The following NOTCH2 variants were observed in gnomAD, a reference collection of about 807,000 sequenced individuals.
NOTCH2 encodes neurogenic locus notch homolog protein 2.
NOTCH2 carries 29 observed loss-of-function variants against 235.8 expected under a neutral mutation model. That is an observed-to-expected ratio of 0.12 (90% CI 0.09 to 0.17). NOTCH2 has a LOEUF of 0.17. Ranked by LOEUF, NOTCH2 falls within the 10% of genes least tolerant of loss-of-function variation. The pLI is 1.00. For synonymous variants in NOTCH2, 1,086 were observed against 1,141.5 expected, an observed-to-expected ratio of 0.95 and a Z score of 0.98; for missense variants, 2,285 against 3,150.2, an observed-to-expected ratio of 0.73 and a Z score of 6.57.
intron 1 of NOTCH2, among the ~76,000 whole-genome samples, chr1:120,035,033 A>G (rs76426486): frequency 3.7e-4 from 55 of 149,718 alleles, no homozygotes; most frequent in African/African-American, 1.1e-3. Context: ...TTATGTTTGA[A>G]AAAAGTCAAG....
At chr1:120,029,323 AGGG>A (rs1654000865) in intron 2 of NOTCH2, among the ~76,000 whole-genome samples, 1 of 151,704 alleles carries the variant, frequency 6.6e-6, no homozygotes, top group Non-Finnish European at 1.5e-5. Flanking sequence ...GAAAAACACA[AGGG>A]AATCTAATAT....
At chr1:119,954,855 T>C (rs1478048620) in intron 13 of NOTCH2, among the ~76,000 whole-genome samples, 185 bp downstream of exon 13, 5 of 152,216 alleles carry the variant, frequency 3.3e-5, no homozygotes, top group African/African-American at 9.7e-5. Flanking sequence ...TCCTCACTTA[T>C]GGAAGGGAGG....
At chr1:119,974,845 C>T in intron 5 of NOTCH2, among the ~76,000 whole-genome samples, 1 of 152,180 alleles carries the variant, frequency 6.6e-6, no homozygotes, top group South Asian at 2.1e-4. Flanking sequence ...TATTTATTTA[C>T]TCTTTACAGT....
intron 5 of NOTCH2, among the ~76,000 whole-genome samples, chr1:119,982,307 C>T (rs950871959): frequency 3.3e-5 from 5 of 152,170 alleles, no homozygotes; most frequent in Non-Finnish European, 7.3e-5. Context: ...ATTCCAAGCC[C>T]ATGCTGAAAT....
In NOTCH2 at chr1:119,913,372, G is replaced by T. The variant is rs941954321; in HGVS notation, c.*1934C>A. 1.3e-5 allele frequency: 3 copies of T among 233,136 alleles called. No homozygotes were observed. Among genetic ancestry groups the T allele is most frequent in the Admixed American group, 5.6e-5 (1 of 17,778 alleles). The allele number at this position is 233,136 out of a possible 1,614,324, so 14.4% of individuals were successfully genotyped here. A position where few individuals can be genotyped will look rare whatever the true frequency, so the allele number is the denominator to read the frequency against. ...ATGGGGCCACCGACAGACAAATCAG[G>T]TAAGTGGGAAGCACTGATGCATACT... is the stretch of plus-strand genomic sequence containing the variant. On this transcript the variant is annotated 3_prime_UTR_variant, in exon 34 of 34. Coordinates refer to ENST00000256646, the MANE Select transcript of NOTCH2 (RefSeq NM_024408.4).
intron 11 of NOTCH2, among the ~76,000 whole-genome samples, chr1:119,959,880 CAA>C (rs1553198819): frequency 6.6e-6 from 1 of 152,184 alleles, no homozygotes; most frequent in Non-Finnish European, 1.5e-5. Context: ...CAGTTTCACT[CAA>C]GAGTGGCTTT....
intron 17 of NOTCH2, 59 bp from the exon 18 acceptor site, chr1:119,941,813 C>G (rs1650074533): frequency 2.3e-6 from 3 of 1,330,548 alleles, no homozygotes; most frequent in Non-Finnish European, 3.2e-6. Flanking sequence ...ATCTTAGATT[C>G]ATAAAAGTGA....
Position 119,912,611 on chromosome 1 carries a change from G to C in NOTCH2, c.*2695C>G, listed in dbSNP as rs1295351141. On this transcript the variant is annotated 3_prime_UTR_variant, in exon 34 of 34. Coordinates refer to ENST00000256646, the MANE Select transcript of NOTCH2 (RefSeq NM_024408.4). The stretch of plus-strand genomic sequence containing the variant: ...ACAAAAAAACCTATCCCCAAAGGCA[G>C]GCAGAAGAGGAGTCAAAGAAAGAAA... 1 of 232,876 alleles carries C rather than the reference G, an allele frequency of 4.3e-6. No homozygotes were observed. Among genetic ancestry groups the C allele is most frequent in the Non-Finnish European group, 8.5e-6 (1 of 118,000 alleles). 14.4% of individuals were successfully genotyped at this position (232,876 alleles called of 1,614,324 possible).
intron 21 of NOTCH2, among the ~76,000 whole-genome samples, chr1:119,936,656 A>G (rs1553195758): frequency 6.6e-6 from 1 of 152,196 alleles, no homozygotes; most frequent in Non-Finnish European, 1.5e-5. Context: ...ACAATAGAGA[A>G]GCAAAGCTTT....
intron 25 of NOTCH2, 49 bp from the exon 26 acceptor site, chr1:119,924,033 G>C: frequency 6.8e-7 from 1 of 1,472,380 alleles, no homozygotes; most frequent in Non-Finnish European, 9.5e-7. Context: ...GATTAGACTG[G>C]AGCTCTATTT....
At chr1:120,060,324 ATAT>A (rs1163071947) in intron 1 of NOTCH2, among the ~76,000 whole-genome samples, 1 of 145,516 alleles carries the variant, frequency 6.9e-6, no homozygotes. Context: ...TGAGAGAGGC[ATAT>A]TAAGATTAAG....
At position 119,961,236 on chromosome 1, in the gene NOTCH2, C is replaced by T. The variant is rs371832960; in HGVS notation, c.1916-1734G>A. Among the ~76,000 whole-genome samples the T allele has an allele frequency of 3.9e-4, 59 of 152,282 alleles. No individual in the cohort carries two copies. The South Asian group carries it at 7.7e-3, about 20-fold the overall frequency. On this transcript the variant is annotated intron_variant, in intron 11 of 33. Coordinates refer to ENST00000256646, the MANE Select transcript of NOTCH2 (RefSeq NM_024408.4). Reference sequence around the variant, plus strand: ...TACTGTCATCCCATGATTAATGAGGCTATACTGCCTAATTAGCCATAAATG... The same window carrying T: ...TACTGTCATCCCATGATTAATGAGGTTATACTGCCTAATTAGCCATAAATG...
At chr1:119,963,166 A>AGAAG (rs782001960) in intron 11 of NOTCH2, among the ~76,000 whole-genome samples, 16,081 of 93,504 alleles carry the variant, frequency 0.17, 1,581 homozygotes, top group African/African-American at 0.28. Flanking sequence ...GAAGAAGGGA[A>AGAAG]GAAGGAAGGT....
Position 119,924,729 on chromosome 1 carries a change from G to C in NOTCH2, c.4511+576C>G, listed in dbSNP as rs186846382. ...CTTTGGCAAGTTCTTTAACCCTTGG[G>C]CCTAAGTTCTCTCACCTATGAAAGA... On this transcript the variant is annotated intron_variant, in intron 25 of 33. Coordinates refer to ENST00000256646, the MANE Select transcript of NOTCH2 (RefSeq NM_024408.4). Among the ~76,000 whole-genome samples the C allele has an allele frequency of 2.3e-3, 351 of 152,284 alleles. No homozygotes were observed. The Middle Eastern group carries it at 0.024, about 10-fold the overall frequency.
In NOTCH2 at chr1:119,948,432, T is replaced by A. The variant is rs782013139; in HGVS notation, c.2734A>T (p.Ile912Phe). 1 of 1,614,196 alleles carries A rather than the reference T, an allele frequency of 6.2e-7. No homozygotes were observed. Residue 912 changes from isoleucine to phenylalanine, a missense_variant, in exon 17 of 34, where the codon ATT becomes TTT. By Grantham distance (21) the Ile-to-Phe change is conservative. Around this residue, in one of 6 missense-constraint regions of NOTCH2, gnomAD observed 1,173 missense variants for 1,515.3 expected, o/e 0.77. Transcript: ENST00000256646. ...GFSGMDCEED[I>F]DDCLANPCQN... ...TACTCACTGGCAAGGCAGTCATCAATGTCCTCCTCACAGTCCATACCACTG... is the reference window on the plus strand; with the variant it reads ...TACTCACTGGCAAGGCAGTCATCAAAGTCCTCCTCACAGTCCATACCACTG...
Position 119,929,045 on chromosome 1 carries a change from A to G in NOTCH2, c.3823T>C (p.Ser1275Pro), listed in dbSNP as rs1553194799. The stretch of plus-strand genomic sequence containing the variant: ...TGTATACAGTCCAGGCTGCCCTCAG[A>G]GCTGCAGGGGTTGGAGAGGCACTCG... ...INECLSNPCS[S>P]EGSLDCIQLT... The change falls in exon 23 of 34, where the codon TCT (serine) becomes CCT (proline). Residue 1275 changes from serine (S) to proline (P), a missense_variant. Around this residue, in one of 6 missense-constraint regions of NOTCH2, gnomAD observed 1,173 missense variants for 1,515.3 expected, o/e 0.77. Transcript: ENST00000256646. 1 of 1,614,042 alleles carries G rather than the reference A, an allele frequency of 6.2e-7. No individual in the cohort carries two copies. The highest frequency in any genetic ancestry group is 1.3e-5 in the African/African-American group (1 of 74,898).
At chr1:119,917,607 G>T in intron 33 of NOTCH2, 58 bp downstream of exon 33, 1 of 1,092,696 alleles carries the variant, frequency 9.2e-7, no homozygotes. Flanking sequence ...AACGGGAATG[G>T]GCTTATAACT....
At chr1:119,953,177 G>A (rs1461562597) in intron 14 of NOTCH2, among the ~76,000 whole-genome samples, 9 of 152,132 alleles carry the variant, frequency 5.9e-5, no homozygotes, top group African/African-American at 2.2e-4. Context: ...CGGGTGTGGT[G>A]GCATATGCCT....
chr1:119,951,156 T>C (rs1181792783), intron 14 of NOTCH2, among the ~76,000 whole-genome samples: 2 of 152,194 alleles, frequency 1.3e-5, no homozygotes, highest in Non-Finnish European at 2.9e-5. Context: ...ATTTATTATT[T>C]ATTTATTTTT....
Sources: allele counts gnomAD v4.1 joint callset (sites outside exome capture counted in the v4.1 genomes callset), GRCh38; gene constraint gnomAD v4.1.1; regional missense constraint gnomAD v4.1.1; transcripts MANE v1.5; gene names NCBI Gene and HGNC (gene_info 2026-07-23, HGNC 2026-07-21).